SPMIP4: variants seen among roughly 807,000 people sequenced by gnomAD.
SPMIP4 encodes sperm microtubule inner protein 4, also known as sperm-associated microtubule inner protein 4.
chr7:25,176,193 C>T, the SPMIP4 span, among the ~76,000 whole-genome samples: 52 of 152,328 alleles, frequency 3.4e-4, no homozygotes, highest in African/African-American at 1.2e-3. The surrounding 1 kb of genome is among the most constrained non-coding windows in gnomAD (Gnocchi z 4.4). Flanking sequence ...GAGCTGATCA[C>T]TAACCAACTA....
chr7:25,154,926 C>T, the SPMIP4 span: 1 of 1,313,232 alleles, frequency 7.6e-7, no homozygotes, highest in Non-Finnish European at 1.1e-6. Context: ...GACTTGAGTC[C>T]TTTGTGCTCC....
the SPMIP4 span, among the ~76,000 whole-genome samples, chr7:25,176,631 G>T: frequency 6.6e-6 from 1 of 152,152 alleles, no homozygotes; most frequent in Non-Finnish European, 1.5e-5. The surrounding 1 kb of genome is among the most constrained non-coding windows in gnomAD (Gnocchi z 4.4). Context: ...AAAAAAATTG[G>T]AGAGGACACA....
At chr7:25,172,265 C>T in the SPMIP4 span, among the ~76,000 whole-genome samples, 2 of 152,096 alleles carry the variant, frequency 1.3e-5, no homozygotes, top group Non-Finnish European at 2.9e-5. This position sits in a 1 kb window ranked among gnomAD's most constrained non-coding sequence, Gnocchi z 4.2. Context: ...GATTAAACTG[C>T]TCTGCAGTGG....
At chr7:25,164,944 G>A in the SPMIP4 span, among the ~76,000 whole-genome samples, 33 of 152,310 alleles carry the variant, frequency 2.2e-4, no homozygotes, top group Middle Eastern at 0.01. Context: ...AGGTTGCTGT[G>A]AATGCCATTA....
chr7:25,168,150 A>T, the SPMIP4 span: 1 of 690,676 alleles, frequency 1.4e-6, no homozygotes, highest in Non-Finnish European at 2.3e-6. Flanking sequence ...TTAGAAATTA[A>T]TTTTTCATTC....
the SPMIP4 span, among the ~76,000 whole-genome samples, chr7:25,173,686 A>C: frequency 6.6e-6 from 1 of 152,194 alleles, no homozygotes; most frequent in Non-Finnish European, 1.5e-5. This position sits in a 1 kb window ranked among gnomAD's most constrained non-coding sequence, Gnocchi z 4.4. Flanking sequence ...AAAATATTTA[A>C]ATGCATTTGA....
the SPMIP4 span, among the ~76,000 whole-genome samples, chr7:25,141,069 T>C: frequency 6.6e-6 from 1 of 152,238 alleles, no homozygotes; most frequent in Admixed American, 6.5e-5. Flanking sequence ...TCATCTCATT[T>C]ACATAATTAA....
chr7:25,140,951 C>T, the SPMIP4 span, among the ~76,000 whole-genome samples: 9 of 152,224 alleles, frequency 5.9e-5, no homozygotes, highest in South Asian at 1.9e-3. Flanking sequence ...GTGTTTTTCA[C>T]AATTTATATA....
At chr7:25,162,962 T>C in the SPMIP4 span, among the ~76,000 whole-genome samples, 1 of 152,094 alleles carries the variant, frequency 6.6e-6, no homozygotes, top group Non-Finnish European at 1.5e-5. Context: ...AGTTTCACCA[T>C]GTTGGCCAGG....
At chr7:25,135,785 A>G in the SPMIP4 span, 2 of 1,295,228 alleles carry the variant, frequency 1.5e-6, no homozygotes, top group East Asian at 2.9e-5. Flanking sequence ...CTTTTCAAGA[A>G]GTCATAACAT....
the SPMIP4 span, among the ~76,000 whole-genome samples, chr7:25,175,618 T>C: frequency 6.6e-6 from 1 of 152,170 alleles, no homozygotes; most frequent in Non-Finnish European, 1.5e-5. Context: ...TTTAAGTACA[T>C]CTGTGTTTAG....
the SPMIP4 span, among the ~76,000 whole-genome samples, chr7:25,157,406 GAGGA>G: frequency 1.3e-5 from 2 of 152,314 alleles, no homozygotes; most frequent in African/African-American, 4.8e-5. Flanking sequence ...GTGTGGAAAG[GAGGA>G]AAGAAAGAGT....
the SPMIP4 span, among the ~76,000 whole-genome samples, chr7:25,138,102 A>T: frequency 6.6e-6 from 1 of 152,076 alleles, no homozygotes; most frequent in Non-Finnish European, 1.5e-5. The surrounding 1 kb of genome is among the most constrained non-coding windows in gnomAD (Gnocchi z 6.2). Context: ...TTAAGTTATG[A>T]TCTTTTTAAT....
chr7:25,145,577 T>A, the SPMIP4 span, among the ~76,000 whole-genome samples: 1 of 152,164 alleles, frequency 6.6e-6, no homozygotes, highest in South Asian at 2.1e-4. Flanking sequence ...CAGGGTACAG[T>A]TTATATCTGA....
At chr7:25,126,848 T>A in the SPMIP4 span, among the ~76,000 whole-genome samples, 1 of 152,234 alleles carries the variant, frequency 6.6e-6, no homozygotes, top group Non-Finnish European at 1.5e-5. Flanking sequence ...GAACTCCCTT[T>A]AGCATTTCTT....
chr7:25,150,375 C>T, the SPMIP4 span, among the ~76,000 whole-genome samples: 105 of 152,270 alleles, frequency 6.9e-4, no homozygotes, highest in Middle Eastern at 6.8e-3. Context: ...GTAAAACAGA[C>T]GCTTCGTTAG....
chr7:25,142,100 G>A, the SPMIP4 span: 1 of 611,054 alleles, frequency 1.6e-6, no homozygotes, highest in Non-Finnish European at 2.9e-6. Context: ...GTTCAAATCA[G>A]CTCAGAATTC....
the SPMIP4 span, among the ~76,000 whole-genome samples, chr7:25,157,813 T>A: frequency 3.9e-5 from 6 of 152,098 alleles, no homozygotes; most frequent in Non-Finnish European, 8.8e-5. Flanking sequence ...GGATAAAGCA[T>A]GGATTTTGGG....
At chr7:25,167,486 A>T in the SPMIP4 span, among the ~76,000 whole-genome samples, 1 of 152,174 alleles carries the variant, frequency 6.6e-6, no homozygotes, top group Non-Finnish European at 1.5e-5. Context: ...TGATGTCTGA[A>T]TCTTTCTAAT....
Sources: gnomAD v4.1 joint callset for allele counts (sites outside exome capture counted in the v4.1 genomes callset) on GRCh38, gnomAD v4.1.1 for gene constraint, Gnocchi (gnomAD v3.1) non-coding constraint, MANE v1.5 for transcripts, NCBI Gene and HGNC (gene_info 2026-07-23, HGNC 2026-07-21) for gene names.